The following ZSCAN18 variants were observed in gnomAD, a reference collection of about 807,000 sequenced individuals.
The protein encoded by ZSCAN18 is zinc finger and SCAN domain containing 18, also known as zinc finger and SCAN domain-containing protein 18.
Under a neutral mutation model 31.1 loss-of-function variants are expected in ZSCAN18, and 16 were observed. That is an observed-to-expected ratio of 0.51 (90% confidence interval 0.35 to 0.78). The LOEUF is 0.78. Among genes scored for constraint, ZSCAN18 ranks in the 30% least tolerant of loss-of-function variants. ZSCAN18 has a pLI of 0.01. For synonymous variants in ZSCAN18, 375 were observed against 320.7 expected (o/e 1.17, Z -1.81); for missense variants, 731 against 697.4 (o/e 1.05, Z -0.54).
At chr19:58,087,180 C>G (rs1244100132) in intron 4 of ZSCAN18, 136 bp downstream of exon 4, 4 of 1,074,106 alleles carry the variant, frequency 3.7e-6, no homozygotes, top group Non-Finnish European at 5.3e-6. Flanking sequence ...CCCTCACGCT[C>G]CCACCAGGGT....
At chr19:58,100,609 G>A (rs1374585913), upstream of ZSCAN18, among the ~76,000 whole-genome samples, 1 of 152,064 alleles carries the variant, frequency 6.6e-6, no homozygotes, top group Non-Finnish European at 1.5e-5. Flanking sequence ...AGGAACCAGG[G>A]ATAAAGATCA....
chr19:58,085,182 CAG>C lies in ZSCAN18; in HGVS notation c.1034_1035del (p.Ser345CysfsTer42). The C allele has an allele frequency of 6.2e-7, 1 of 1,610,516 alleles. No homozygotes were observed. On this transcript the variant is annotated frameshift_variant, in exon 7 of 7. Coordinates refer to ENST00000601144, the MANE Select transcript of ZSCAN18 (RefSeq NM_001145543.2). LOFTEE classifies it low-confidence loss of function (END_TRUNC). ...PQDPQDAESD[S>X]ATGSQRQSVI... Reference sequence around the variant, plus strand: ...ACGGACTGCCTCTGCGATCCGGTGGCAGAGTCGGACTCCGCGTCCTGGGGGTC... The same window carrying C: ...ACGGACTGCCTCTGCGATCCGGTGGCAGTCGGACTCCGCGTCCTGGGGGTC...
At chr19:58,085,661 C>T (rs779982684) in intron 6 of ZSCAN18, 1 of 487,586 alleles carries the variant, frequency 2.1e-6, no homozygotes, top group Non-Finnish European at 3.6e-6. Context: ...GAAACCGCGC[C>T]TTTGGAGGTC....
At chr19:58,101,306 T>TC (rs1303406463), upstream of ZSCAN18, among the ~76,000 whole-genome samples, 3 of 131,342 alleles carry the variant, frequency 2.3e-5, no homozygotes, top group African/African-American at 1.0e-4. Flanking sequence ...CTAATTTTTT[T>TC]TTTTTTTTTT....
Position 58,098,192 on chromosome 19 carries a change from A to G in ZSCAN18, c.-138T>C, listed in dbSNP as rs1294058227. The G allele has an allele frequency of 1.0e-6, 1 of 985,486 alleles. No homozygotes were observed. 61.0% of individuals were successfully genotyped at this position (985,486 alleles called of 1,614,324 possible). A position where few individuals can be genotyped will look rare whatever the true frequency, so the allele number is the denominator to read the frequency against. On this transcript the variant is annotated 5_prime_UTR_variant, in exon 1 of 7. Transcript: ENST00000601144. ...GACCCACCTGCTGCGCAGCTACCCC[A>G]GGCCGGTCCCAGCCGCCCGGAGCCC...
chr19:58,117,891 G>T (rs957512270), intron 1 of ZSCAN18, among the ~76,000 whole-genome samples: 2 of 152,108 alleles, frequency 1.3e-5, no homozygotes, highest in African/African-American at 4.8e-5. Flanking sequence ...AGGGCGAAGG[G>T]AGAGGAAATT....
chr19:58,112,633 A>G (rs2074693314), intron 1 of ZSCAN18, among the ~76,000 whole-genome samples: 1 of 96,092 alleles, frequency 1.0e-5, no homozygotes, highest in African/African-American at 3.5e-5. Context: ...CCTGGGCGAC[A>G]GAGCAAGACT....
chr19:58,108,765 C>G, intron 1 of ZSCAN18: 2 of 985,756 alleles, frequency 2.0e-6, no homozygotes, highest in Non-Finnish European at 2.4e-6. Flanking sequence ...TGTGTTGTTC[C>G]TTTCTCTGGC....
intron 1 of ZSCAN18, among the ~76,000 whole-genome samples, chr19:58,096,960 G>T (rs559302557): frequency 8.9e-4 from 135 of 152,224 alleles, no homozygotes; most frequent in African/African-American, 3.2e-3. Flanking sequence ...TAGGCTCCCC[G>T]AAAACCCGAG....
At chr19:58,099,945 G>T (rs1002275858), upstream of ZSCAN18, among the ~76,000 whole-genome samples, 7 of 144,846 alleles carry the variant, frequency 4.8e-5, no homozygotes, top group Admixed American at 7.2e-5. Context: ...TAAAAAAATT[G>T]CTCAGTTTTG....
Position 58,086,237 on chromosome 19 carries a change from A to T in ZSCAN18, c.775T>A (p.Ser259Thr). Residue 259 changes from serine to threonine, a missense_variant, in exon 6 of 7, where the codon TCC becomes ACC. By Grantham distance (58) the Ser-to-Thr change is moderately conservative. This residue lies in a region of ZSCAN18 where 597 missense variants were observed against 499.5 expected (regional missense o/e 1.20). Coordinates refer to ENST00000601144, the MANE Select transcript of ZSCAN18 (RefSeq NM_001145543.2). ...CGGAGTTCCTCAGTGTCCAGCCTGG[A>T]GGCAGCGTCAGGCTGGGAAAGCTGA... is the stretch of plus-strand genomic sequence containing the variant. The part of the protein sequence containing the change: ...GYQLSQPDAA[S>T]RLDTEELRLV... The T allele has an allele frequency of 6.2e-7, 1 of 1,613,836 alleles. No individual in the cohort carries two copies. The highest frequency in any genetic ancestry group is 8.5e-7 in the Non-Finnish European group (1 of 1,179,858).
At chr19:58,101,027 G>T (rs2074588859), upstream of ZSCAN18, among the ~76,000 whole-genome samples, 1 of 152,108 alleles carries the variant, frequency 6.6e-6, no homozygotes, top group Non-Finnish European at 1.5e-5. Context: ...TCTATTTCCG[G>T]GTTCTCGATT....
intron 1 of ZSCAN18, chr19:58,097,892 C>T (rs1599993596): frequency 1.0e-6 from 1 of 968,296 alleles, no homozygotes. Context: ...CTCCCCTCCA[C>T]GAGCCTACAC....
In ZSCAN18 at chr19:58,115,587, CACA is replaced by C. The variant is rs1397006539; in HGVS notation, c.130+2677_130+2679del. Among the ~76,000 whole-genome samples, 4 of 152,168 alleles carry C rather than the reference CACA, an allele frequency of 2.6e-5. No individual in the cohort carries two copies. In the South Asian group the frequency reaches 6.2e-4, roughly 24 times the overall value. On this transcript the variant is annotated intron_variant, in intron 1 of 1. Transcript: ENST00000595721. ...TTAACATTATATTACGGGTAGTTCC[CACA>C]ACATTAACATGTCTTTGTTAGTATA... is the stretch of plus-strand genomic sequence containing the variant.
chr19:58,087,443 C>T (rs2074305898), intron 3 of ZSCAN18, 39 bp from the exon 4 acceptor site: 1 of 1,559,934 alleles, frequency 6.4e-7, no homozygotes, highest in Non-Finnish European at 8.7e-7. Context: ...CAATGAGCTC[C>T]CTGTGGCCAG....
intron 6 of ZSCAN18, 158 bp from the exon 7 acceptor site, chr19:58,085,537 C>A: frequency 3.1e-6 from 2 of 649,758 alleles, no homozygotes; most frequent in Non-Finnish European, 5.1e-6. Flanking sequence ...CCCTCCCAGG[C>A]AGCCCTGCAG....
chr19:58,115,831 T>C (rs2074724833), intron 1 of ZSCAN18, among the ~76,000 whole-genome samples: 1 of 152,182 alleles, frequency 6.6e-6, no homozygotes, highest in Admixed American at 6.6e-5. Context: ...ATGTACATGT[T>C]TCTCTCAATG....
intron 1 of ZSCAN18, among the ~76,000 whole-genome samples, chr19:58,096,482 G>C (rs1367115062): frequency 2.0e-5 from 3 of 152,250 alleles, no homozygotes; most frequent in Non-Finnish European, 2.9e-5. Context: ...AGCTGAGGCA[G>C]AGAGCTCCAC....
upstream of ZSCAN18, among the ~76,000 whole-genome samples, chr19:58,099,338 T>G (rs941335436): frequency 6.6e-6 from 1 of 152,136 alleles, no homozygotes; most frequent in African/African-American, 2.4e-5. Context: ...CAGTGTCATA[T>G]AAGTGGGATC....
Sources: gnomAD v4.1 joint callset for allele counts (sites outside exome capture counted in the v4.1 genomes callset) on GRCh38, gnomAD v4.1.1 for gene constraint, gnomAD v4.1.1 regional missense constraint, MANE v1.5 for transcripts, NCBI Gene and HGNC (gene_info 2026-07-23, HGNC 2026-07-21) for gene names.